The following TEK variants were observed in gnomAD, a reference collection of about 807,000 sequenced individuals.
TEK encodes angiopoietin-1 receptor.
A neutral mutation model predicts 131.8 loss-of-function variants in TEK; 43 were observed. That is an observed-to-expected ratio of 0.33 (90% CI 0.26 to 0.42). TEK has a LOEUF of 0.42. Ranked by LOEUF, TEK falls within the 10% of genes least tolerant of loss-of-function variation. The pLI, the probability that TEK is intolerant of heterozygous loss-of-function variation, is 1.00. For missense variants in TEK, 1,162 were observed against 1,384.4 expected, an observed-to-expected ratio of 0.84 and a Z score of 2.55; for synonymous variants, 580 against 491.6, an observed-to-expected ratio of 1.18 and a Z score of -2.38.
intron 10 of TEK, 112 bp from the exon 11 acceptor site, chr9:27,192,377 A>G (rs960681265): frequency 1.1e-5 from 13 of 1,224,782 alleles, no homozygotes; most frequent in Non-Finnish European, 1.6e-5. Context: ...CTGTTTCACT[A>G]AGACGTAGTT....
At chr9:27,125,277 T>TGGAA (rs1821947649) in intron 1 of TEK, among the ~76,000 whole-genome samples, 1 of 152,244 alleles carries the variant, frequency 6.6e-6, no homozygotes, top group African/African-American at 2.4e-5. Flanking sequence ...CTCTAGAGTA[T>TGGAA]GGAAGCCCAT....
intron 12 of TEK, among the ~76,000 whole-genome samples, chr9:27,197,923 A>G (rs1042198933): frequency 6.6e-6 from 1 of 152,208 alleles, no homozygotes; most frequent in African/African-American, 2.4e-5. Flanking sequence ...TCATATATCT[A>G]CATGTACACA....
intron 2 of TEK, among the ~76,000 whole-genome samples, chr9:27,161,064 C>T (rs1823527813): frequency 6.6e-6 from 1 of 152,150 alleles, no homozygotes; most frequent in South Asian, 2.1e-4. Context: ...CTGAGGTCAT[C>T]CTTGACAATG....
chr9:27,128,034 G>T (rs1389225855), intron 1 of TEK, among the ~76,000 whole-genome samples: 1 of 152,168 alleles, frequency 6.6e-6, no homozygotes, highest in Non-Finnish European at 1.5e-5. Context: ...TGGTGTTTTA[G>T]ACATGAAGTC....
At chr9:27,125,192 G>T (rs1821943752) in intron 1 of TEK, among the ~76,000 whole-genome samples, 1 of 152,208 alleles carries the variant, frequency 6.6e-6, no homozygotes, top group Non-Finnish European at 1.5e-5. Context: ...CACAACAGCT[G>T]CAGAAGCTCA....
At chr9:27,200,362 C>CA (rs1218111650) in intron 12 of TEK, among the ~76,000 whole-genome samples, 1 of 152,170 alleles carries the variant, frequency 6.6e-6, no homozygotes, top group Non-Finnish European at 1.5e-5. Flanking sequence ...GATACACTCT[C>CA]AAAATCACAC....
In TEK at chr9:27,212,786, G is replaced by A. The variant is rs145880361; in HGVS notation, c.2766G>A (p.Thr922=). The A allele has an allele frequency of 1.2e-5, 19 of 1,613,946 alleles. No individual in the cohort carries two copies. Among genetic ancestry groups the A allele is most frequent in the African/African-American group, 6.7e-5 (5 of 74,894 alleles). The change falls in exon 17 of 23, where the codon ACG becomes ACA. Residue 922 remains threonine, a synonymous_variant. Transcript: ENST00000380036. ...TTCGCAAGAGCCGTGTGCTGGAGAC[G>A]GACCCAGCATTTGCCATTGCCAATA... is the stretch of plus-strand genomic sequence containing the variant. ...DFLRKSRVLE[T]DPAFAIANST...
intron 2 of TEK, among the ~76,000 whole-genome samples, chr9:27,162,530 T>G (rs1823582778): frequency 6.6e-6 from 1 of 152,216 alleles, no homozygotes; most frequent in Admixed American, 6.5e-5. Flanking sequence ...AGAGGGTTAT[T>G]TTATTCCTAC....
intron 19 of TEK, among the ~76,000 whole-genome samples, chr9:27,218,130 T>TTGGGA (rs9298888): frequency 2.1e-5 from 3 of 139,634 alleles, no homozygotes; most frequent in South Asian, 2.5e-4. Flanking sequence ...GGCCAGACAG[T>TTGGGA]GGCGGGGGTC....
At chr9:27,157,575 G>A (rs1823381870) in intron 1 of TEK, among the ~76,000 whole-genome samples, 1 of 152,146 alleles carries the variant, frequency 6.6e-6, no homozygotes, top group African/African-American at 2.4e-5. Flanking sequence ...GCTTGTTGGG[G>A]GAATAATGGG....
chr9:27,212,596 A>G (rs1825676478), intron 16 of TEK, 111 bp from the exon 17 acceptor site: 2 of 1,138,634 alleles, frequency 1.8e-6, no homozygotes, highest in East Asian at 2.5e-5. Context: ...GTGTTGCTAG[A>G]TGTGTTTTTT....
At chr9:27,144,820 C>G (rs1242323402) in intron 1 of TEK, among the ~76,000 whole-genome samples, 1 of 152,144 alleles carries the variant, frequency 6.6e-6, no homozygotes, top group Non-Finnish European at 1.5e-5. Context: ...AGCTGGAGAA[C>G]TGTGCTTCAG....
intron 1 of TEK, among the ~76,000 whole-genome samples, chr9:27,125,652 G>A (rs907656662): frequency 6.6e-6 from 1 of 152,120 alleles, no homozygotes; most frequent in African/African-American, 2.4e-5. Context: ...TGTAGCATGA[G>A]GATAACAATA....
At chr9:27,168,657 C>T (rs1823831918) in intron 3 of TEK, 52 bp downstream of exon 3, 3 of 1,260,670 alleles carry the variant, frequency 2.4e-6, no homozygotes, top group African/African-American at 1.5e-5. Context: ...TATCAGATAA[C>T]ATACAACATA....
intron 2 of TEK, among the ~76,000 whole-genome samples, chr9:27,162,532 T>C (rs1010144820): frequency 3.9e-5 from 6 of 152,252 alleles, no homozygotes; most frequent in African/African-American, 1.4e-4. Flanking sequence ...AGGGTTATTT[T>C]ATTCCTACTT....
At chr9:27,227,030 A>C (rs911942099) in intron 21 of TEK, among the ~76,000 whole-genome samples, 32 of 152,178 alleles carry the variant, frequency 2.1e-4, no homozygotes, top group Non-Finnish European at 3.8e-4. Flanking sequence ...GACAGTCCCT[A>C]AAATTCCACC....
At chr9:27,139,712 G>A (rs546600449) in intron 1 of TEK, among the ~76,000 whole-genome samples, 22 of 152,082 alleles carry the variant, frequency 1.4e-4, no homozygotes, top group African/African-American at 5.3e-4. Context: ...TGTGGTGTGG[G>A]ATTGTTTTGT....
intron 15 of TEK, among the ~76,000 whole-genome samples, chr9:27,207,046 T>C (rs938272358): frequency 3.3e-5 from 5 of 152,244 alleles, no homozygotes; most frequent in African/African-American, 1.2e-4. Context: ...TGGTCATATA[T>C]GGCTAACTTT....
chr9:27,179,352 T>C (rs950397690), intron 6 of TEK, among the ~76,000 whole-genome samples: 4 of 152,232 alleles, frequency 2.6e-5, no homozygotes, highest in African/African-American at 4.8e-5. Context: ...GCATTTGTTA[T>C]GAACATATCT....
Sources: allele counts gnomAD v4.1 joint callset (sites outside exome capture counted in the v4.1 genomes callset), GRCh38; gene constraint gnomAD v4.1.1; transcripts MANE v1.5; gene names NCBI Gene and HGNC (gene_info 2026-07-23, HGNC 2026-07-21).